The following UBR1 variants were observed in gnomAD, a reference collection of about 807,000 sequenced individuals.
UBR1 encodes the protein E3 ubiquitin-protein ligase UBR1.
In UBR1, 102 loss-of-function variants were observed where a neutral mutation model predicts 242.1. The observed-to-expected ratio is 0.42, with a 90% CI of 0.36 to 0.50. The LOEUF (loss-of-function observed/expected upper bound fraction) is 0.50, where lower values mean the gene tolerates loss of function less well. Ranked by LOEUF, UBR1 falls within the 20% of genes least tolerant of loss-of-function variation. The pLI is 0.01. For synonymous variants in UBR1, 675 were observed against 684.8 expected (o/e 0.99, Z 0.22); for missense variants, 1,772 against 2,101.8 (o/e 0.84, Z 3.07).
At chr15:43,031,769 T>C (rs2033260292) in intron 20 of UBR1, among the ~76,000 whole-genome samples, 3 of 152,194 alleles carry the variant, frequency 2.0e-5, no homozygotes, top group Admixed American at 1.3e-4. Context: ...ACGCCTGTAA[T>C]CCCAGCACTT....
intron 44 of UBR1, among the ~76,000 whole-genome samples, chr15:42,957,283 T>C (rs1440316427): frequency 6.6e-6 from 1 of 152,186 alleles, no homozygotes; most frequent in Non-Finnish European, 1.5e-5. Flanking sequence ...AGGTCATATA[T>C]TGTATCATTC....
At chr15:43,069,618 C>A (rs187898445) in intron 5 of UBR1, among the ~76,000 whole-genome samples, 4 of 152,312 alleles carry the variant, frequency 2.6e-5, no homozygotes, top group Admixed American at 2.6e-4. Flanking sequence ...TTTTACAATA[C>A]GCTCAATTGA....
chr15:43,068,665 G>T (rs966797760), intron 5 of UBR1, among the ~76,000 whole-genome samples: 2 of 152,134 alleles, frequency 1.3e-5, no homozygotes, highest in African/African-American at 4.8e-5. Context: ...CTGTCACCCA[G>T]GCTGGAGTAC....
At chr15:43,019,581 GTTTTTTT>G (rs1248631700) in intron 27 of UBR1, among the ~76,000 whole-genome samples, 1 of 135,526 alleles carries the variant, frequency 7.4e-6, no homozygotes, top group African/African-American at 2.7e-5. Flanking sequence ...CTGGCTTCAG[GTTTTTTT>G]TTTTTTTTTT....
At position 43,076,814 on chromosome 15, in the gene UBR1, G is replaced by A. The variant is rs1489350229; in HGVS notation, c.418-1725C>T. 2.7e-3 allele frequency among the ~76,000 whole-genome samples: 341 copies of A among 128,440 alleles called. 5 individuals are homozygous for A. The highest frequency in any genetic ancestry group is 9.0e-3 in the African/African-American group (319 of 35,330). The allele number at this position is 128,440 out of a possible 152,430, so 84.3% of individuals were successfully genotyped here. A position where few individuals can be genotyped will look rare whatever the true frequency, so the allele number is the denominator to read the frequency against. On this transcript the variant is annotated intron_variant, in intron 3 of 46. Coordinates refer to ENST00000290650, the MANE Select transcript of UBR1 (RefSeq NM_174916.3). ...CCCGCCCGGCCAGCCGCCCCGTCCG[G>A]GAGGTGAGGGGCGCCTCTGCCCGGC...
chr15:43,038,257 A>T (rs1331634320), intron 15 of UBR1, 25 bp from the exon 16 acceptor site: 5 of 1,612,426 alleles, frequency 3.1e-6, no homozygotes, highest in Admixed American at 1.7e-5. Context: ...ACGAGAGAGA[A>T]AATGAGAAAA....
At chr15:42,992,099 T>C (rs548217928) in intron 33 of UBR1, among the ~76,000 whole-genome samples, 67 of 152,264 alleles carry the variant, frequency 4.4e-4, no homozygotes, top group Non-Finnish European at 8.1e-4. Flanking sequence ...TTTCATCCAG[T>C]ATTTTTTCAA....
chr15:42,977,869 T>A lies in UBR1; in HGVS notation c.4218+11A>T, dbSNP rs1290046720. On this transcript the variant is annotated intron_variant, in intron 38 of 46. Coordinates refer to ENST00000290650, the MANE Select transcript of UBR1 (RefSeq NM_174916.3). ...ACATGAGTGACTTAAACAAAATTAC[T>A]GAACACTTACCAAAACATGAAACAG... The A allele has an allele frequency of 1.9e-6, 3 of 1,608,508 alleles. No homozygotes were observed. Among genetic ancestry groups the A allele is most frequent in the South Asian group, 2.2e-5 (2 of 90,948 alleles).
At chr15:43,085,777 G>A (rs1250166327) in intron 2 of UBR1, among the ~76,000 whole-genome samples, 2 of 151,954 alleles carry the variant, frequency 1.3e-5, no homozygotes, top group Admixed American at 6.6e-5. Flanking sequence ...CCAGCCAGAC[G>A]TGGTGGCGGG....
At position 43,032,640 on chromosome 15, in the gene UBR1, T is replaced by A; in HGVS notation, c.2191-9A>T. The A allele has an allele frequency of 6.7e-7, 1 of 1,486,134 alleles. No individual in the cohort carries two copies. Among genetic ancestry groups the A allele is most frequent in the Non-Finnish European group, 9.3e-7 (1 of 1,075,164 alleles). 92.1% of individuals were successfully genotyped at this position (1,486,134 alleles called of 1,614,324 possible). ...TATTGTTTAATCAAATCCTATAGAA[T>A]CGAAAAAGAGTAAATTAGTTATGGA... On this transcript the variant is annotated splice_polypyrimidine_tract_variant and intron_variant, in intron 19 of 46. Coordinates refer to ENST00000290650, the MANE Select transcript of UBR1 (RefSeq NM_174916.3).
chr15:43,014,229 C>T (rs2032973229), intron 29 of UBR1, among the ~76,000 whole-genome samples: 2 of 152,356 alleles, frequency 1.3e-5, no homozygotes, highest in Non-Finnish European at 2.9e-5. Context: ...TCTCGGCTTG[C>T]TACAACCTCC....
intron 27 of UBR1, among the ~76,000 whole-genome samples, chr15:43,018,261 A>G (rs745684498): frequency 1.3e-5 from 2 of 152,154 alleles, no homozygotes; most frequent in Non-Finnish European, 2.9e-5. Context: ...TCAGCCTCCC[A>G]AAGTGCTGGG....
At position 43,102,895 on chromosome 15, in the gene UBR1, G is replaced by A. The variant is rs1334386560; in HGVS notation, c.81+3047C>T. Among the ~76,000 whole-genome samples the A allele has an allele frequency of 5.9e-5, 9 of 152,184 alleles. No homozygotes were observed. The South Asian group carries it at 8.3e-4, about 14-fold the overall frequency. On this transcript the variant is annotated intron_variant, in intron 1 of 46. Coordinates refer to ENST00000290650, the MANE Select transcript of UBR1 (RefSeq NM_174916.3). ...CTCAAAGATCTTATCCGGGCTGGGC[G>A]TAGTGGCTCACGCCTGTAATCCCAC...
intron 6 of UBR1, among the ~76,000 whole-genome samples, chr15:43,061,659 C>G (rs973033483): frequency 4.6e-5 from 7 of 152,112 alleles, no homozygotes; most frequent in Non-Finnish European, 1.0e-4. Flanking sequence ...GTATTTGCAG[C>G]AACCTGGGTG....
rs2033194985 is a variant in UBR1, at chr15:43,027,655, T to C, written c.2432+121A>G. 9 of 842,512 alleles carry C rather than the reference T, an allele frequency of 1.1e-5. No individual in the cohort carries two copies. The Middle Eastern group carries it at 1.4e-3, about 134-fold the overall frequency. The allele number at this position is 842,512 out of a possible 1,614,324, so 52.2% of individuals were successfully genotyped here. ...CCCCTCATTCTCACCCTTTCTAATCTGTATTCCACTCTTATTCTTGGGAGT... is the reference window on the plus strand; with the variant it reads ...CCCCTCATTCTCACCCTTTCTAATCCGTATTCCACTCTTATTCTTGGGAGT... On this transcript the variant is annotated intron_variant, in intron 22 of 46. Coordinates refer to ENST00000290650, the MANE Select transcript of UBR1 (RefSeq NM_174916.3).
intron 39 of UBR1, among the ~76,000 whole-genome samples, chr15:42,971,352 G>A (rs994927456): frequency 6.6e-6 from 1 of 152,134 alleles, no homozygotes; most frequent in Non-Finnish European, 1.5e-5. Flanking sequence ...CTTTAAGGAG[G>A]ACCATCCTAA....
intron 33 of UBR1, among the ~76,000 whole-genome samples, chr15:42,997,307 G>T (rs917464584): frequency 2.6e-5 from 4 of 152,012 alleles, no homozygotes; most frequent in African/African-American, 9.7e-5. Context: ...CAAGCTTAGG[G>T]CTCCCACTGA....
In UBR1 at chr15:42,944,862, A is replaced by C. The variant is rs2031706704; in HGVS notation, c.*467T>G. The C allele has an allele frequency of 5.5e-6, 1 of 183,384 alleles. No homozygotes were observed. Among genetic ancestry groups the C allele is most frequent in the Non-Finnish European group, 1.2e-5 (1 of 86,912 alleles). 11.4% of individuals were successfully genotyped at this position (183,384 alleles called of 1,614,324 possible). ...TTTATTTTTGGAATCTTTCCCAAGT[A>C]TATTGCATGGTTTCTGCAATTCTTC... is the stretch of plus-strand genomic sequence containing the variant. On this transcript the variant is annotated 3_prime_UTR_variant, in exon 47 of 47. Coordinates refer to ENST00000290650, the MANE Select transcript of UBR1 (RefSeq NM_174916.3).
intron 33 of UBR1, among the ~76,000 whole-genome samples, chr15:42,997,791 A>T (rs1265677783): frequency 1.3e-5 from 2 of 152,192 alleles, no homozygotes; most frequent in Non-Finnish European, 2.9e-5. Context: ...TAATATTATT[A>T]TCCCCGATTT....
Sources: allele counts gnomAD v4.1 joint callset (sites outside exome capture counted in the v4.1 genomes callset), GRCh38; gene constraint gnomAD v4.1.1; transcripts MANE v1.5; gene names NCBI Gene and HGNC (gene_info 2026-07-23, HGNC 2026-07-21).